GLIS2: variants seen among roughly 807,000 people sequenced by gnomAD.
The protein encoded by GLIS2 is zinc finger protein GLIS2.
Under a neutral mutation model 35.6 loss-of-function variants are expected in GLIS2, and 14 were observed. That is an observed-to-expected ratio of 0.39 (90% CI 0.26 to 0.61). GLIS2 has a LOEUF of 0.61. Ranked by LOEUF, GLIS2 falls within the 20% of genes least tolerant of loss-of-function variation. The pLI is 0.48. For missense variants in GLIS2, 675 were observed against 713.4 expected (o/e 0.95, Z 0.61); for synonymous variants, 368 against 325.1 (o/e 1.13, Z -1.42).
chr16:4,323,690 C>T (rs538663965), intron 1 of GLIS2, among the ~76,000 whole-genome samples: 7 of 152,314 alleles, frequency 4.6e-5, no homozygotes, highest in South Asian at 4.1e-4. Context: ...GGAAGCCCTC[C>T]GGCCCGTCTT....
chr16:4,333,318 G>C (rs1255133291), intron 2 of GLIS2, 29 bp from the exon 3 acceptor site: 1 of 1,611,850 alleles, frequency 6.2e-7, no homozygotes, highest in Non-Finnish European at 8.5e-7. Context: ...CTACACTCCA[G>C]CACACCCTGA....
At chr16:4,315,677 T>C (rs901903797), upstream of GLIS2, among the ~76,000 whole-genome samples, 1 of 118,976 alleles carries the variant, frequency 8.4e-6, no homozygotes, top group East Asian at 2.4e-4. Context: ...GGGGGGGGGG[T>C]GGCGTGAGGA....
Position 4,331,935 on chromosome 16 carries a change from G to A in GLIS2, c.-66-280G>A, listed in dbSNP as rs536157481. On this transcript the variant is annotated intron_variant, in intron 1 of 6. Transcript: ENST00000433375. ...CTTGCACTCCAGCCTGAGTGACAGA[G>A]CGAGACTCTGTCAGCAAATAAAATT... 8.5e-5 allele frequency among the ~76,000 whole-genome samples: 13 copies of A among 152,278 alleles called. No homozygotes were observed. In the South Asian group the frequency reaches 2.3e-3, roughly 27 times the overall value.
At chr16:4,317,643 G>GCTGGC (rs1381919401) in intron 1 of GLIS2, among the ~76,000 whole-genome samples, 4 of 151,970 alleles carry the variant, frequency 2.6e-5, no homozygotes, top group Non-Finnish European at 5.9e-5. Flanking sequence ...GGGCCTCCTA[G>GCTGGC]CTGGCCTGGC....
Position 4,322,192 on chromosome 16 carries a change from G to A in GLIS2, c.-67+5938G>A, listed in dbSNP as rs546966721. Among the ~76,000 whole-genome samples, 18 of 152,240 alleles carry A rather than the reference G, an allele frequency of 1.2e-4. No homozygotes were observed. In the South Asian group the frequency reaches 3.5e-3, roughly 30 times the overall value. ...GGGGTGCCAAAGGAGAGGGCCTGGG[G>A]CAGGAGGCTCTGGGCTGAGAGAGCA... is the stretch of plus-strand genomic sequence containing the variant. On this transcript the variant is annotated intron_variant, in intron 1 of 6. Transcript: ENST00000433375.
chr16:4,331,329 G>A (rs1422196022), intron 1 of GLIS2, among the ~76,000 whole-genome samples: 1 of 152,114 alleles, frequency 6.6e-6, no homozygotes. Flanking sequence ...TGTGCCTTAA[G>A]GACACGCTCC....
At chr16:4,327,003 C>T (rs902605175) in intron 1 of GLIS2, among the ~76,000 whole-genome samples, 4 of 152,172 alleles carry the variant, frequency 2.6e-5, no homozygotes, top group Admixed American at 6.5e-5. Flanking sequence ...TCAGGTGGTC[C>T]GCCCTCGGCC....
rs2053373031 is a variant in GLIS2, at chr16:4,320,951, T to A, written c.-67+4697T>A. On this transcript the variant is annotated intron_variant, in intron 1 of 6. Coordinates refer to ENST00000433375, the MANE Select transcript of GLIS2 (RefSeq NM_032575.3). This position sits in a 1 kb window ranked among gnomAD's most constrained non-coding sequence, Gnocchi z 5.6. The stretch of plus-strand genomic sequence containing the variant: ...CCCGAGGGCCTGGAGCCACCAGGCC[T>A]GGCAGATCCTGCCAGTGGGTGTTCC... Among the ~76,000 whole-genome samples the A allele has an allele frequency of 6.6e-6, 1 of 152,190 alleles. No individual in the cohort carries two copies. Among genetic ancestry groups the A allele is most frequent in the African/African-American group, 2.4e-5 (1 of 41,452 alleles).
rs187704760 is a variant in GLIS2, at chr16:4,322,628, C to A, written c.-67+6374C>A. 9.1e-3 allele frequency among the ~76,000 whole-genome samples: 1,382 copies of A among 152,190 alleles called. 16 individuals carry two copies. The highest frequency in any genetic ancestry group is 0.031 in the Middle Eastern group (9 of 294). On this transcript the variant is annotated intron_variant, in intron 1 of 6. Transcript: ENST00000433375. ...CAACCCCCTGCAGGAGCAGCCCCCCCCCTACACTGTTTCTCCCACCCCACC... is the reference window on the plus strand; with the variant it reads ...CAACCCCCTGCAGGAGCAGCCCCCCACCTACACTGTTTCTCCCACCCCACC...
intron 1 of GLIS2, among the ~76,000 whole-genome samples, chr16:4,327,760 C>A (rs1056888213): frequency 8.1e-6 from 1 of 123,656 alleles, no homozygotes; most frequent in African/African-American, 3.0e-5. Context: ...TCCCGGTGGT[C>A]CCCGCGGCCG....
rs768048691 is a variant in GLIS2 at position 4,337,345 on chromosome 16, G to T, written c.1396G>T (p.Glu466Ter). The T allele has an allele frequency of 1.9e-6, 3 of 1,589,748 alleles. No homozygotes were observed. Among genetic ancestry groups the T allele is most frequent in the Non-Finnish European group, 1.7e-6 (2 of 1,169,908 alleles). ...CATGGAGGGCCACAAGACGCCCCTT[G>T]AAAGGACGGAGAGCAGCTGCTCCCG... ...LGMEGHKTPL[E>*]RTESSCSRPS... is the part of the protein sequence containing the mutation. Residue 466 changes from glutamate (E) to a stop codon, truncating the protein, a stop_gained, in exon 7 of 7, where the codon GAA (glutamate) becomes TAA (stop). Transcript: ENST00000433375. LOFTEE classifies it high-confidence loss of function.
intron 1 of GLIS2, chr16:4,325,417 T>C (rs946479396): frequency 6.6e-6 from 1 of 152,222 alleles, no homozygotes; most frequent in African/African-American, 2.4e-5. Context: ...ATGGGTACTG[T>C]CCTCATGCTG....
chr16:4,337,200 G>T lies in GLIS2; in HGVS notation c.1251G>T (p.Leu417=). 6.5e-7 allele frequency: 1 copy of T among 1,546,754 alleles called. No homozygotes were observed. Residue 417 remains leucine (L), a synonymous_variant, in exon 7 of 7, where the codon CTG becomes CTT. Coordinates refer to ENST00000433375, the MANE Select transcript of GLIS2 (RefSeq NM_032575.3). ...TCAATCTGGCCAAGAACCCGCTGCT[G>T]CCCTCGCCCTTTGGGGCTGGCGGAC... ...LPLNLAKNPL[L]PSPFGAGGLG...
At position 4,332,243 on chromosome 16, in the gene GLIS2, C is replaced by T; in HGVS notation, c.-38C>T. The T allele has an allele frequency of 1.2e-6, 2 of 1,605,168 alleles. No individual in the cohort carries two copies. The highest frequency in any genetic ancestry group is 1.1e-5 in the South Asian group (1 of 89,954). On this transcript the variant is annotated 5_prime_UTR_variant, in exon 2 of 7. Transcript: ENST00000433375. The surrounding 1 kb of genome is among the most constrained non-coding windows in gnomAD (Gnocchi z 5.4). ...CCTGCGTGAAGACCAGCTGGGAGCC[C>T]ACTGCCTGCTGCCACCTCCAACTCC...
In GLIS2 at chr16:4,337,458, G is replaced by A. The variant is rs771159639; in HGVS notation, c.1509G>A (p.Ala503=). Residue 503 remains alanine (A), a synonymous_variant, in exon 7 of 7, where the codon GCG becomes GCA. Coordinates refer to ENST00000433375, the MANE Select transcript of GLIS2 (RefSeq NM_032575.3). ...GVNSAASSPE[A]LAPGWVVIPP... ...ACTCAGCTGCCAGCAGCCCAGAGGC[G>A]TTGGCCCCTGGCTGGGTGGTCATCC... 1.1e-5 allele frequency: 18 copies of A among 1,577,126 alleles called. No homozygotes were observed. The highest frequency in any genetic ancestry group is 4.6e-5 in the South Asian group (4 of 86,916).
rs1359404551 is a variant in GLIS2, at chr16:4,337,676, A to G, written c.*152A>G. On this transcript the variant is annotated 3_prime_UTR_variant, in exon 7 of 7. Transcript: ENST00000433375. ...GAGCAAGGATGGTGCTAGGTCATTC[A>G]TGGCTGGCCTCCCAGCCCCCGGGTG... 42 of 1,142,694 alleles carry G rather than the reference A, an allele frequency of 3.7e-5. No homozygotes were observed. The highest frequency in any genetic ancestry group is 1.2e-4 in the African/African-American group (8 of 65,382). 70.8% of individuals were successfully genotyped at this position (1,142,694 alleles called of 1,614,324 possible).
chr16:4,330,245 C>CCA (rs1359184235), intron 1 of GLIS2, among the ~76,000 whole-genome samples: 1 of 152,058 alleles, frequency 6.6e-6, no homozygotes, highest in Non-Finnish European at 1.5e-5. Context: ...CCACTGCACT[C>CCA]CAGCCTGGGT....
intron 1 of GLIS2, among the ~76,000 whole-genome samples, chr16:4,323,932 G>C (rs1342464842): frequency 6.6e-6 from 1 of 152,208 alleles, no homozygotes; most frequent in East Asian, 1.9e-4. Flanking sequence ...GAGACAGCAG[G>C]GCCTTTCTGA....
rs555064020 is a variant in GLIS2 at position 4,332,096 on chromosome 16, C to T, written c.-66-119C>T. ...CGGCCAGGTCGCTCGGAGGGTCTCCCTACCCAGGAGACAACCTCACACTGC... is the reference window on the plus strand; with the variant it reads ...CGGCCAGGTCGCTCGGAGGGTCTCCTTACCCAGGAGACAACCTCACACTGC... On this transcript the variant is annotated intron_variant, in intron 1 of 6. Transcript: ENST00000433375. The surrounding 1 kb of genome is among the most constrained non-coding windows in gnomAD (Gnocchi z 5.4). The T allele has an allele frequency of 2.6e-6, 2 of 780,676 alleles. No individual in the cohort carries two copies. The highest frequency in any genetic ancestry group is 2.0e-5 in the Admixed American group (1 of 48,956). The allele number at this position is 780,676 out of a possible 1,614,324, so 48.4% of individuals were successfully genotyped here.
Sources: allele counts gnomAD v4.1 joint callset (sites outside exome capture counted in the v4.1 genomes callset), GRCh38; gene constraint gnomAD v4.1.1; non-coding constraint Gnocchi (gnomAD v3.1); transcripts MANE v1.5; gene names NCBI Gene and HGNC (gene_info 2026-07-23, HGNC 2026-07-21).